Variants in RFX8 observed in about 807,000 individuals in gnomAD.
The protein encoded by RFX8 is DNA-binding protein RFX8.
A neutral mutation model predicts 54.6 loss-of-function variants in RFX8; 46 were observed. The ratio of observed to expected loss-of-function variants is 0.84; its 90% confidence interval spans 0.67 to 1.08. The LOEUF (loss-of-function observed/expected upper bound fraction) is 1.08. Among genes scored for constraint, RFX8 ranks in the 50% least tolerant of loss-of-function variants. RFX8 has a pLI of 0.00. For synonymous variants in RFX8, 192 were observed against 209.5 expected (o/e 0.92, Z 0.72); for missense variants, 536 against 562.3 (o/e 0.95, Z 0.47).
At chr2:101,420,296 C>T (rs2104578752) in intron 4 of RFX8, among the ~76,000 whole-genome samples, 1 of 152,268 alleles carries the variant, frequency 6.6e-6, no homozygotes, top group Non-Finnish European at 1.5e-5. Flanking sequence ...AATCCCAGCA[C>T]TTTGGGAGGC....
chr2:101,405,335 C>T (rs1271229440), intron 10 of RFX8, among the ~76,000 whole-genome samples: 1 of 151,984 alleles, frequency 6.6e-6, no homozygotes, highest in Admixed American at 6.6e-5. Context: ...TTAGTAGAGA[C>T]AGGGTTTCAC....
rs1224616653 is a variant in RFX8, at chr2:101,445,049, C to T, written c.72+21728G>A. Among the ~76,000 whole-genome samples the T allele has an allele frequency of 2.0e-5, 3 of 152,176 alleles. No individual in the cohort carries two copies. The East Asian group carries it at 5.8e-4, about 29-fold the overall frequency. ...ACATGTAGTATTGCATAGTGTGCTG[C>T]TGCTTCTTGGGAGAATTAAAGTTAT... On this transcript the variant is annotated intron_variant, in intron 2 of 11. Transcript: ENST00000428343.
At chr2:101,414,802 C>T (rs1218200626) in intron 7 of RFX8, 52 bp downstream of exon 7, 4 of 1,360,910 alleles carry the variant, frequency 2.9e-6, no homozygotes, top group Non-Finnish European at 3.1e-6. Context: ...GAGCTTTCAC[C>T]TCTTTTCAGG....
chr2:101,417,704 A>G lies in RFX8; in HGVS notation c.352-20T>C. On this transcript the variant is annotated intron_variant, in intron 5 of 11. Coordinates refer to ENST00000428343, the MANE Select transcript of RFX8 (RefSeq NM_001145664.2). ...AATTCCCTACAACAAAAGTAACAAG[A>G]CACTATGATTCTGCTGATGGTGCAG... 6.5e-7 allele frequency: 1 copy of G among 1,537,400 alleles called. No individual in the cohort carries two copies. Among genetic ancestry groups the G allele is most frequent in the Non-Finnish European group, 8.8e-7 (1 of 1,139,278 alleles).
intron 1 of RFX8, among the ~76,000 whole-genome samples, chr2:101,469,076 A>ACT (rs1186301635): frequency 1.1e-4 from 1 of 8,712 alleles, no homozygotes; most frequent in African/African-American, 6.2e-4. Flanking sequence ...GTATATATAT[A>ACT]TAAGTGTATA....
chr2:101,410,158 C>T (rs1190286633), intron 9 of RFX8, among the ~76,000 whole-genome samples: 1 of 152,026 alleles, frequency 6.6e-6, no homozygotes, highest in African/African-American at 2.4e-5. Context: ...CACCCACACC[C>T]ACTTACACAC....
chr2:101,425,767 T>C (rs1254740799), intron 2 of RFX8, among the ~76,000 whole-genome samples: 2 of 152,114 alleles, frequency 1.3e-5, no homozygotes, highest in African/African-American at 4.8e-5. Flanking sequence ...CTTTACAACA[T>C]AAACAATCAG....
intron 4 of RFX8, chr2:101,421,185 C>A (rs1172839398): frequency 1.1e-6 from 1 of 914,718 alleles, no homozygotes; most frequent in Non-Finnish European, 1.3e-6. Flanking sequence ...GGAAAAAAAT[C>A]TCATTTGAAT....
At chr2:101,422,584 G>A in intron 2 of RFX8, 112 bp from the exon 3 acceptor site, 3 of 670,234 alleles carry the variant, frequency 4.5e-6, no homozygotes, top group Non-Finnish European at 8.0e-6. Context: ...TAACCTTTTA[G>A]CCACACCTCT....
At chr2:101,401,089 A>G (rs140002686) in intron 11 of RFX8, among the ~76,000 whole-genome samples, 1 of 152,246 alleles carries the variant, frequency 6.6e-6, no homozygotes, top group Non-Finnish European at 1.5e-5. Context: ...CTTTTTTCAC[A>G]TGGACACTCG....
At chr2:101,442,931 T>G (rs1040539877) in intron 2 of RFX8, among the ~76,000 whole-genome samples, 1 of 152,144 alleles carries the variant, frequency 6.6e-6, no homozygotes, top group Non-Finnish European at 1.5e-5. Context: ...AGAGGCTTGT[T>G]GAAGCTGGGT....
Position 101,465,414 on chromosome 2 carries a change from G to A in RFX8, c.72+1363C>T, listed in dbSNP as rs945167726. ...AGTCCCAGATACTTGGGAGACTGAG[G>A]CACGGGAATCGCTTGAACTCGGGAG... On this transcript the variant is annotated intron_variant, in intron 2 of 11. Transcript: ENST00000428343. 2.0e-5 allele frequency among the ~76,000 whole-genome samples: 3 copies of A among 152,292 alleles called. No homozygotes were observed. In the East Asian group the frequency reaches 5.8e-4, roughly 29 times the overall value.
chr2:101,411,663 G>A (rs1686138971), intron 8 of RFX8, among the ~76,000 whole-genome samples: 1 of 152,122 alleles, frequency 6.6e-6, no homozygotes. Context: ...TAGTTCTGAA[G>A]CCTGCCAGAT....
intron 2 of RFX8, among the ~76,000 whole-genome samples, chr2:101,440,431 C>T (rs1214681477): frequency 6.6e-6 from 1 of 152,176 alleles, no homozygotes; most frequent in Non-Finnish European, 1.5e-5. Flanking sequence ...TTGGCATGTG[C>T]TAGACATAGG....
chr2:101,430,039 T>C (rs922133488), intron 2 of RFX8, among the ~76,000 whole-genome samples: 14 of 152,306 alleles, frequency 9.2e-5, no homozygotes, highest in African/African-American at 2.6e-4. Context: ...TGATAAATGT[T>C]TCCACATAAT....
chr2:101,412,781 G>A (rs1573371440), intron 8 of RFX8, 134 bp downstream of exon 8: 1 of 904,546 alleles, frequency 1.1e-6, no homozygotes, highest in Non-Finnish European at 1.6e-6. Flanking sequence ...GAAGAGAAGT[G>A]TGAGCAGACA....
chr2:101,414,687 C>T (rs764609220), intron 7 of RFX8, among the ~76,000 whole-genome samples, 167 bp downstream of exon 7: 45 of 152,032 alleles, frequency 3.0e-4, no homozygotes, highest in Non-Finnish European at 5.1e-4. Context: ...CTTTGAGTCA[C>T]GGGGGCCCAC....
chr2:101,450,527 C>T, intron 2 of RFX8: 1 of 782,850 alleles, frequency 1.3e-6, no homozygotes, highest in Non-Finnish European at 2.1e-6. Context: ...CACACTTGGC[C>T]TGAATGGTTC....
At chr2:101,470,136 A>G (rs1475864136) in intron 1 of RFX8, among the ~76,000 whole-genome samples, 1 of 151,032 alleles carries the variant, frequency 6.6e-6, no homozygotes, top group Non-Finnish European at 1.5e-5. Flanking sequence ...GTGTCCACAC[A>G]CATACCCCGG....
Sources: allele counts gnomAD v4.1 joint callset (sites outside exome capture counted in the v4.1 genomes callset), GRCh38; gene constraint gnomAD v4.1.1; transcripts MANE v1.5; gene names NCBI Gene and HGNC (gene_info 2026-07-23, HGNC 2026-07-21).